ZNG1B: variants seen among roughly 807,000 people sequenced by gnomAD.
The protein encoded by ZNG1B is zinc-regulated GTPase metalloprotein activator 1B.
At chr2:113,490,708 A>G in the ZNG1B span, among the ~76,000 whole-genome samples, 1 of 152,056 alleles carries the variant, frequency 6.6e-6, no homozygotes, top group Non-Finnish European at 1.5e-5. Flanking sequence ...ACACCTTTAC[A>G]TGCATAAACT....
chr2:113,478,958 A>C, the ZNG1B span, among the ~76,000 whole-genome samples: 1 of 151,848 alleles, frequency 6.6e-6, no homozygotes, highest in African/African-American at 2.4e-5. Context: ...TTCAGTTGAG[A>C]GATACGTTTT....
At chr2:113,495,374 A>G in the ZNG1B span, 230 of 1,186,528 alleles carry the variant, frequency 1.9e-4, 34 homozygotes, top group Admixed American at 2.9e-4. Context: ...CTTGTGGTCA[A>G]TGTTTCATCT....
At chr2:113,462,315 TTTTAA>T in the ZNG1B span, 1 of 1,346,780 alleles carries the variant, frequency 7.4e-7, no homozygotes. Flanking sequence ...TTTTATTTAT[TTTTAA>T]TTTGTTAGCA....
the ZNG1B span, among the ~76,000 whole-genome samples, chr2:113,480,399 C>T: frequency 1.3e-5 from 2 of 149,902 alleles, no homozygotes; most frequent in African/African-American, 4.9e-5. Flanking sequence ...TCCTACTTGG[C>T]CTCTCAAAGT....
the ZNG1B span, chr2:113,465,872 T>C: frequency 3.1e-6 from 3 of 983,396 alleles, no homozygotes; most frequent in South Asian, 1.4e-4. Flanking sequence ...ACTTGAGAAA[T>C]TCTTTCTTTG....
chr2:113,461,561 A>G, the ZNG1B span, among the ~76,000 whole-genome samples: 1 of 150,210 alleles, frequency 6.7e-6, no homozygotes, highest in Non-Finnish European at 1.5e-5. Flanking sequence ...CTTTGAGATA[A>G]AGCATAAGAC....
chr2:113,439,891 T>G, the ZNG1B span, among the ~76,000 whole-genome samples: 1 of 136,592 alleles, frequency 7.3e-6, no homozygotes, highest in African/African-American at 2.8e-5. Flanking sequence ...TTTTTTTTTT[T>G]TTTTTTTTTT....
At chr2:113,453,246 T>A in the ZNG1B span, 131 of 1,588,660 alleles carry the variant, frequency 8.2e-5, no homozygotes, top group Non-Finnish European at 1.1e-4. Flanking sequence ...TTTTGTTTTT[T>A]TTTTTATTTT....
the ZNG1B span, chr2:113,455,523 C>A: frequency 8.8e-7 from 1 of 1,141,874 alleles, no homozygotes; most frequent in Non-Finnish European, 1.2e-6. Flanking sequence ...TATGTTGTTA[C>A]ATACAGTAAA....
chr2:113,475,445 T>C, the ZNG1B span, among the ~76,000 whole-genome samples: 7,211 of 149,052 alleles, frequency 0.048, 577 homozygotes, highest in African/African-American at 0.17. Flanking sequence ...CTTTATCCAA[T>C]TTGCCAGTCT....
the ZNG1B span, among the ~76,000 whole-genome samples, chr2:113,486,617 A>C: frequency 2.0e-5 from 3 of 152,304 alleles, no homozygotes; most frequent in East Asian, 5.8e-4. Flanking sequence ...TTAGCCAGGC[A>C]TGGTGGCATG....
chr2:113,462,858 A>T, the ZNG1B span: 43 of 364,032 alleles, frequency 1.2e-4, no homozygotes, highest in Non-Finnish European at 1.8e-4. Flanking sequence ...CTTTACTCAT[A>T]ATGTATTCTC....
the ZNG1B span, among the ~76,000 whole-genome samples, chr2:113,483,742 AC>A: frequency 1.3e-5 from 2 of 151,928 alleles, no homozygotes; most frequent in South Asian, 2.1e-4. Context: ...TTTAAAAAAA[AC>A]AAATGTATTT....
the ZNG1B span, chr2:113,471,197 C>G: frequency 2.9e-6 from 4 of 1,394,612 alleles, no homozygotes; most frequent in South Asian, 2.4e-5. Flanking sequence ...TCCTGCCATT[C>G]CTTTGGCATA....
the ZNG1B span, chr2:113,438,961 C>T: frequency 2.0e-5 from 30 of 1,510,170 alleles, no homozygotes; most frequent in East Asian, 6.9e-4. Flanking sequence ...TAAGTTTATT[C>T]CCGTTTTTTG....
At chr2:113,477,407 C>T in the ZNG1B span, among the ~76,000 whole-genome samples, 135 of 152,204 alleles carry the variant, frequency 8.9e-4, no homozygotes, top group African/African-American at 3.2e-3. Flanking sequence ...CACTGACCTG[C>T]GCCCACTGTC....
chr2:113,470,084 T>G, the ZNG1B span: 1 of 151,754 alleles, frequency 6.6e-6, no homozygotes, highest in Non-Finnish European at 1.5e-5. Flanking sequence ...CTCCATTTCC[T>G]GGGTTCAAAT....
the ZNG1B span, among the ~76,000 whole-genome samples, chr2:113,488,102 A>G: frequency 0.054 from 8,270 of 151,882 alleles, 771 homozygotes; most frequent in African/African-American, 0.19. Context: ...AGAACCCTCA[A>G]AGAGTACATT....
At chr2:113,456,270 C>T in the ZNG1B span, among the ~76,000 whole-genome samples, 1 of 152,140 alleles carries the variant, frequency 6.6e-6, no homozygotes, top group Non-Finnish European at 1.5e-5. Context: ...ATTACAGTTT[C>T]ACGCAGAAAA....
Sources: allele counts gnomAD v4.1 joint callset (sites outside exome capture counted in the v4.1 genomes callset), GRCh38; gene constraint gnomAD v4.1.1; transcripts MANE v1.5; gene names NCBI Gene and HGNC (gene_info 2026-07-23, HGNC 2026-07-21).